Variants in LIFR observed in about 807,000 individuals in gnomAD.
LIFR encodes the protein LIF receptor subunit alpha.
In LIFR, 84 loss-of-function variants were observed where a neutral mutation model predicts 122.2. The ratio of observed to expected loss-of-function variants is 0.69; its 90% CI spans 0.58 to 0.82. The LOEUF is 0.82. Among genes scored for constraint, LIFR ranks in the 40% least tolerant of loss-of-function variants. The pLI, the probability that LIFR is intolerant of heterozygous loss-of-function variation, is 0.00. For missense variants in LIFR, 1,294 were observed against 1,311.6 expected, an observed-to-expected ratio of 0.99 and a Z score of 0.21; for synonymous variants, 422 against 434.7, an observed-to-expected ratio of 0.97 and a Z score of 0.36.
chr5:38,504,415 C>CAAAAAAAAAAAAAAAAAAAAAAAAAA (rs71604899), intron 9 of LIFR, among the ~76,000 whole-genome samples: 3 of 120,374 alleles, frequency 2.5e-5, no homozygotes, highest in East Asian at 2.3e-4. Context: ...AGGGAATGAC[C>CAAAAAAAAAAAAAAAAAAAAAAAAAA]AAAAAAAAAA....
intron 1 of LIFR, among the ~76,000 whole-genome samples, chr5:38,566,862 TA>T (rs1315125828): frequency 1.3e-5 from 2 of 151,130 alleles, no homozygotes; most frequent in African/African-American, 2.4e-5. Context: ...AAACCAATTC[TA>T]AAAAAAAAGA....
At chr5:38,589,025 TCTCA>T (rs1749838166) in intron 1 of LIFR, among the ~76,000 whole-genome samples, 1 of 146,888 alleles carries the variant, frequency 6.8e-6, no homozygotes, top group Non-Finnish European at 1.5e-5. Flanking sequence ...TGAGATGGAG[TCTCA>T]CTCTGTTGCC....
At chr5:38,607,542 T>C (rs1180207024) in intron 1 of LIFR, 1 of 151,716 alleles carries the variant, frequency 6.6e-6, no homozygotes, top group African/African-American at 2.4e-5. Flanking sequence ...CTCTCTGTCA[T>C]TCACAAGCTT....
intron 1 of LIFR, among the ~76,000 whole-genome samples, chr5:38,581,855 C>T (rs920544942): frequency 1.3e-5 from 2 of 152,108 alleles, no homozygotes; most frequent in African/African-American, 4.8e-5. Flanking sequence ...AATGTGATCT[C>T]GCACAGTATC....
chr5:38,508,304 A>G (rs1439321179), intron 7 of LIFR, among the ~76,000 whole-genome samples: 1 of 152,208 alleles, frequency 6.6e-6, no homozygotes, highest in East Asian at 1.9e-4. Context: ...GTCATTTTTA[A>G]TAATATCAGA....
In LIFR at chr5:38,484,818, CAAT is replaced by C; in HGVS notation, c.2545_2547del (p.Ile849del). On this transcript the variant is annotated inframe_deletion, in exon 18 of 20. Coordinates refer to ENST00000453190, the MANE Select transcript of LIFR (RefSeq NM_001127671.2). ...CAAAGGATACTTGTCACCACTCCAA[CAAT>C]GACAGCCACTGCCACTGGGATGAGA... The C allele has an allele frequency of 6.2e-6, 10 of 1,613,782 alleles. No individual in the cohort carries two copies. Among genetic ancestry groups the C allele is most frequent in the South Asian group, 1.1e-5 (1 of 91,064 alleles).
At chr5:38,533,617 T>C (rs181109666) in intron 1 of LIFR, among the ~76,000 whole-genome samples, 1 of 152,354 alleles carries the variant, frequency 6.6e-6, no homozygotes, top group Admixed American at 6.5e-5. Flanking sequence ...TAAAGCTAAA[T>C]ACCAGAAACT....
chr5:38,604,239 A>T (rs924984580), intron 2 of LIFR, among the ~76,000 whole-genome samples: 7 of 152,128 alleles, frequency 4.6e-5, no homozygotes, highest in African/African-American at 1.7e-4. Flanking sequence ...AGAAGAAAGG[A>T]AATTAACTAG....
At chr5:38,499,823 C>T (rs1434408165) in intron 11 of LIFR, among the ~76,000 whole-genome samples, 1 of 152,156 alleles carries the variant, frequency 6.6e-6, no homozygotes, top group Non-Finnish European at 1.5e-5. Context: ...CTGGGTTCCC[C>T]TCTGCCTCAC....
intron 16 of LIFR, among the ~76,000 whole-genome samples, chr5:38,488,603 C>A (rs1435925513): frequency 6.6e-6 from 1 of 152,148 alleles, no homozygotes; most frequent in African/African-American, 2.4e-5. Context: ...TAATACATCC[C>A]CAATCAAGTC....
At chr5:38,595,661 T>C (rs1160963883), upstream of LIFR, among the ~76,000 whole-genome samples, 1 of 151,326 alleles carries the variant, frequency 6.6e-6, no homozygotes, top group Non-Finnish European at 1.5e-5. Flanking sequence ...GATGTCAGTG[T>C]GAAAGGAATC....
At chr5:38,499,698 G>T in intron 11 of LIFR, 115 bp from the exon 12 acceptor site, 1 of 761,854 alleles carries the variant, frequency 1.3e-6, no homozygotes, top group Non-Finnish European at 2.3e-6. Flanking sequence ...GCAGTTCAGT[G>T]GCTTCCACTT....
At position 38,528,853 on chromosome 5, in the gene LIFR, C is replaced by G. The variant is rs947414974; in HGVS notation, c.143-13G>C. ...TCATGAGGAGCCCCTGGAGGAGACACACACACACACACACACACACACACA... is the reference window on the plus strand; with the variant it reads ...TCATGAGGAGCCCCTGGAGGAGACAGACACACACACACACACACACACACA... On this transcript the variant is annotated splice_polypyrimidine_tract_variant and intron_variant, in intron 2 of 19. Transcript: ENST00000453190. 1.1e-5 allele frequency: 6 copies of G among 528,966 alleles called. No individual in the cohort carries two copies. The highest frequency in any genetic ancestry group is 1.0e-4 in the African/African-American group (5 of 48,948). 32.8% of individuals were successfully genotyped at this position (528,966 alleles called of 1,614,324 possible).
At chr5:38,514,696 G>A (rs1745982783) in intron 5 of LIFR, among the ~76,000 whole-genome samples, 1 of 152,150 alleles carries the variant, frequency 6.6e-6, no homozygotes, top group African/African-American at 2.4e-5. Flanking sequence ...CTCCACATCT[G>A]TGAGGTCAAC....
At chr5:38,565,149 ACTTTAT>A (rs530763360) in intron 1 of LIFR, among the ~76,000 whole-genome samples, 104 of 152,356 alleles carry the variant, frequency 6.8e-4, no homozygotes, top group African/African-American at 2.1e-3. Flanking sequence ...GATGTTTAAT[ACTTTAT>A]CTTTAGAAAA....
At chr5:38,603,526 T>C (rs1451103772) in intron 2 of LIFR, among the ~76,000 whole-genome samples, 1 of 152,160 alleles carries the variant, frequency 6.6e-6, no homozygotes, top group Non-Finnish European at 1.5e-5. Context: ...AAACCCAAGG[T>C]CAGGGAAAGA....
intron 1 of LIFR, among the ~76,000 whole-genome samples, chr5:38,569,658 G>C (rs532531929): frequency 1.7e-4 from 26 of 152,272 alleles, no homozygotes; most frequent in Non-Finnish European, 2.5e-4. Context: ...CCTGGTGCCA[G>C]AAAGTTTGGG....
intron 15 of LIFR, 109 bp downstream of exon 15, chr5:38,490,081 T>C (rs370667115): frequency 2.1e-6 from 1 of 478,404 alleles, no homozygotes; most frequent in Non-Finnish European, 3.8e-6. Flanking sequence ...TTATTTTACC[T>C]TCCTTCAATT....
intron 2 of LIFR, among the ~76,000 whole-genome samples, chr5:38,602,910 C>G (rs930398214): frequency 6.6e-6 from 1 of 152,124 alleles, no homozygotes; most frequent in Non-Finnish European, 1.5e-5. Context: ...CCTGGGAATA[C>G]GCATTAAAAG....
Sources: gnomAD v4.1 joint callset for allele counts (sites outside exome capture counted in the v4.1 genomes callset) on GRCh38, gnomAD v4.1.1 for gene constraint, MANE v1.5 for transcripts, NCBI Gene and HGNC (gene_info 2026-07-23, HGNC 2026-07-21) for gene names.